Variants in MXD3 observed in about 807,000 individuals in gnomAD.
MXD3 encodes the protein Max-associated protein 3.
A neutral mutation model predicts 27.5 loss-of-function variants in MXD3; 20 were observed. The ratio of observed to expected loss-of-function variants is 0.73; its 90% CI spans 0.51 to 1.06. The LOEUF (loss-of-function observed/expected upper bound fraction) is 1.06. Among genes scored for constraint, MXD3 ranks in the 50% least tolerant of loss-of-function variants. MXD3 has a pLI of 0.00. For missense variants in MXD3, 298 were observed against 291.3 expected (o/e 1.02, Z -0.17); for synonymous variants, 150 against 130.7 (o/e 1.15, Z -1.01).
intron 2 of MXD3, 80 bp downstream of exon 2, chr5:177,311,299 G>C: frequency 1.0e-6 from 1 of 970,168 alleles, no homozygotes; most frequent in Non-Finnish European, 1.4e-6. Flanking sequence ...AAAGATGCAA[G>C]CAACAAGTGG....
At chr5:177,306,669 C>T, downstream of MXD3, 1 of 1,483,078 alleles carries the variant, frequency 6.7e-7, no homozygotes, top group South Asian at 1.3e-5. Flanking sequence ...CCAGCCCTGT[C>T]TGCTGTCTAC....
chr5:177,307,440 T>C lies in MXD3; in HGVS notation c.*148A>G, dbSNP rs1297869155. ...CTGCCTGGCAGCCAGCAGCAGGGTG[T>C]TTGGGGAGCACCTGTTCCCACACAA... On this transcript the variant is annotated 3_prime_UTR_variant, in exon 6 of 6. Transcript: ENST00000439742. 10 of 1,514,756 alleles carry C rather than the reference T, an allele frequency of 6.6e-6. No homozygotes were observed. The highest frequency in any genetic ancestry group is 8.9e-6 in the Non-Finnish European group (10 of 1,123,938). 93.8% of individuals were successfully genotyped at this position (1,514,756 alleles called of 1,614,324 possible).
Position 177,310,452 on chromosome 5 carries a change from G to C in MXD3, c.295C>G (p.Leu99Val), listed in dbSNP as rs1761007956. Residue 99 changes from leucine to valine, a missense_variant, in exon 4 of 6, where the codon CTG becomes GTG. Coordinates refer to ENST00000439742, the MANE Select transcript of MXD3 (RefSeq NM_031300.4). ...TGGATGTGCATCCTGGCACGGCGCA[G>C]CAGGCTCAGCGTGGTGTACCGGGCA... Reference protein sequence around the residue: ...DCARYTTLSLLRRARMHIQKL... With the variant: ...DCARYTTLSLVRRARMHIQKL... The C allele has an allele frequency of 6.2e-7, 1 of 1,612,626 alleles. No individual in the cohort carries two copies. The highest frequency in any genetic ancestry group is 8.5e-7 in the Non-Finnish European group (1 of 1,179,648).
Position 177,311,850 on chromosome 5 carries a change from G to A in MXD3, c.-20C>T, listed in dbSNP as rs769278763. On this transcript the variant is annotated 5_prime_UTR_variant, in exon 1 of 6. Coordinates refer to ENST00000439742, the MANE Select transcript of MXD3 (RefSeq NM_031300.4). ...TTCCATGTCGGCGACAGCTGGCGGCGGGCCGGCCTAGGGTGCCGGCCGGAG... is the reference window on the plus strand; with the variant it reads ...TTCCATGTCGGCGACAGCTGGCGGCAGGCCGGCCTAGGGTGCCGGCCGGAG... 4 of 1,608,958 alleles carry A rather than the reference G, an allele frequency of 2.5e-6. No homozygotes were observed. The African/African-American group carries it at 4.0e-5, about 16-fold the overall frequency.
Position 177,307,328 on chromosome 5 carries a change from C to T in MXD3, c.*260G>A, listed in dbSNP as rs933687008. The T allele has an allele frequency of 1.6e-5, 25 of 1,543,358 alleles. No homozygotes were observed. Among genetic ancestry groups the T allele is most frequent in the Admixed American group, 7.9e-5 (4 of 50,482 alleles). On this transcript the variant is annotated 3_prime_UTR_variant, in exon 6 of 6. Coordinates refer to ENST00000439742, the MANE Select transcript of MXD3 (RefSeq NM_031300.4). ...CCTGTCCCCTTGGGGGCAGCAGAGC[C>T]AAATGCTTGGGCTCGGGCCCAAGCT...
At chr5:177,306,065 C>G, downstream of MXD3, 1 of 1,602,692 alleles carries the variant, frequency 6.2e-7, no homozygotes, top group South Asian at 1.1e-5. Context: ...CAGTGGGCAA[C>G]TCAGTATCCT....
chr5:177,308,093 C>T, intron 4 of MXD3, 129 bp from the exon 5 acceptor site: 4 of 894,032 alleles, frequency 4.5e-6, no homozygotes, highest in Non-Finnish European at 6.6e-6. Context: ...CGACTAAATC[C>T]AGGCCCCAGA....
chr5:177,310,671 C>T lies in MXD3; in HGVS notation c.203G>A (p.Arg68His), dbSNP rs148300699. Residue 68 changes from arginine to histidine, a missense_variant, in exon 3 of 6, where the codon CGC (arginine) becomes CAC (histidine). By Grantham distance (29) the Arg-to-His change is conservative (BLOSUM62 0). Coordinates refer to ENST00000439742, the MANE Select transcript of MXD3 (RefSeq NM_031300.4). ...TCAGGGCAGGACTGGGACTCACCTG[C>T]GCTTCTCCAGTTCATTGTGCACTGA... Reference protein sequence around the residue: ...GRSVHNELEKRRRAQLKRCLE... With the variant: ...GRSVHNELEKHRRAQLKRCLE... The T allele has an allele frequency of 1.6e-4, 264 of 1,614,196 alleles. No individual in the cohort carries two copies. The highest frequency in any genetic ancestry group is 2.1e-4 in the African/African-American group (16 of 75,056).
upstream of MXD3, chr5:177,312,377 C>G (rs899635132): frequency 3.0e-6 from 3 of 985,640 alleles, no homozygotes; most frequent in Admixed American, 6.1e-5. Context: ...GGTCGGGGAG[C>G]CTCTGATGCC....
At chr5:177,308,013 T>C in intron 4 of MXD3, 49 bp from the exon 5 acceptor site, 2 of 1,452,776 alleles carry the variant, frequency 1.4e-6, no homozygotes, top group Non-Finnish European at 1.8e-6. Context: ...CGTGGGGGCT[T>C]GGGCTGCACC....
chr5:177,312,596 C>G (rs1184410533), upstream of MXD3: 1 of 985,386 alleles, frequency 1.0e-6, no homozygotes, highest in African/African-American at 1.7e-5. Context: ...CATCTGCCCC[C>G]GAAGGCCCCC....
At chr5:177,306,227 C>A, downstream of MXD3, 1 of 1,588,248 alleles carries the variant, frequency 6.3e-7, no homozygotes, top group Non-Finnish European at 8.6e-7. Flanking sequence ...CTCATTCAGC[C>A]TAGCGGGCGT....
At chr5:177,306,236 G>T, downstream of MXD3, 1 of 1,580,856 alleles carries the variant, frequency 6.3e-7, no homozygotes, top group Non-Finnish European at 8.7e-7. Context: ...CCTAGCGGGC[G>T]TGGAGTCTGG....
Position 177,307,457 on chromosome 5 carries a change from C to A in MXD3, c.*131G>T, listed in dbSNP as rs761734110. ...GCAGGGTGTTTGGGGAGCACCTGTTCCCACACAAGGGTCCTTTTAGTCCAT... is the reference window on the plus strand; with the variant it reads ...GCAGGGTGTTTGGGGAGCACCTGTTACCACACAAGGGTCCTTTTAGTCCAT... On this transcript the variant is annotated 3_prime_UTR_variant, in exon 6 of 6. Transcript: ENST00000439742. The A allele has an allele frequency of 1.3e-6, 2 of 1,529,318 alleles. No homozygotes were observed. Among genetic ancestry groups the A allele is most frequent in the South Asian group, 2.4e-5 (2 of 83,924 alleles). The allele number at this position is 1,529,318 out of a possible 1,614,324, so 94.7% of individuals were successfully genotyped here.
intron 1 of MXD3, 72 bp downstream of exon 1, chr5:177,311,689 G>A: frequency 1.3e-6 from 2 of 1,491,158 alleles, no homozygotes; most frequent in South Asian, 2.5e-5. Flanking sequence ...CCTTCAAGCT[G>A]GGAGCCAGGT....
chr5:177,308,499 A>G (rs567116100), intron 4 of MXD3, among the ~76,000 whole-genome samples: 37 of 152,052 alleles, frequency 2.4e-4, no homozygotes, highest in African/African-American at 8.4e-4. Context: ...CGGCCTCACA[A>G]GTAGCTGGGA....
Position 177,307,530 on chromosome 5 carries a change from G to T in MXD3, c.*58C>A. On this transcript the variant is annotated 3_prime_UTR_variant, in exon 6 of 6. Transcript: ENST00000439742. ...CCCTGAAGGCTTGGGGAGGGCTCCT[G>T]CCTGGCAAGTGGGCCTGGCACGAGT... 6.3e-7 allele frequency: 1 copy of T among 1,588,100 alleles called. No individual in the cohort carries two copies.
chr5:177,307,732 C>A, intron 5 of MXD3, 29 bp from the exon 6 acceptor site: 1 of 1,613,512 alleles, frequency 6.2e-7, no homozygotes, highest in Non-Finnish European at 8.5e-7. Context: ...GGTCAGAAGA[C>A]CTGGCTCGCC....
chr5:177,310,022 G>C (rs183002943), intron 4 of MXD3, among the ~76,000 whole-genome samples: 32 of 152,272 alleles, frequency 2.1e-4, no homozygotes, highest in African/African-American at 7.5e-4. Context: ...AGGTGAGAGG[G>C]GGAGAGCAAG....
Sources: allele counts gnomAD v4.1 joint callset (sites outside exome capture counted in the v4.1 genomes callset), GRCh38; gene constraint gnomAD v4.1.1; transcripts MANE v1.5; gene names NCBI Gene and HGNC (gene_info 2026-07-23, HGNC 2026-07-21).